Variants in GANAB observed in about 807,000 individuals in gnomAD.
GANAB encodes the protein neutral alpha-glucosidase AB.
A neutral mutation model predicts 129.9 loss-of-function variants in GANAB; 35 were observed. The ratio of observed to expected loss-of-function variants is 0.27; its 90% confidence interval spans 0.21 to 0.36. The LOEUF (loss-of-function observed/expected upper bound fraction) is 0.36. Among genes scored for constraint, GANAB ranks in the 10% least tolerant of loss-of-function variants. The pLI is 1.00. For synonymous variants in GANAB, 482 were observed against 451.8 expected (o/e 1.07, Z -0.85); for missense variants, 939 against 1,221.0 (o/e 0.77, Z 3.44).
In GANAB at chr11:62,634,117, T is replaced by C. The variant is rs1943823430; in HGVS notation, c.561-603A>G. Among the ~76,000 whole-genome samples, 3 of 152,308 alleles carry C rather than the reference T, an allele frequency of 2.0e-5. 1 individual carries two copies. In the South Asian group the frequency reaches 6.2e-4, roughly 32 times the overall value. ...TCCCTACATTCCCGAAGGACCTGACTTTCAGTATCTCACCTTCCTTCTTCT... is the reference window on the plus strand; with the variant it reads ...TCCCTACATTCCCGAAGGACCTGACCTTCAGTATCTCACCTTCCTTCTTCT... On this transcript the variant is annotated intron_variant, in intron 5 of 23. Transcript: ENST00000356638.
intron 20 of GANAB, 40 bp downstream of exon 20, chr11:62,626,820 A>G: frequency 6.7e-7 from 1 of 1,489,462 alleles, no homozygotes; most frequent in Non-Finnish European, 9.3e-7. Flanking sequence ...CTGGAAATTT[A>G]CAGGGAGATG....
intron 4 of GANAB, 106 bp downstream of exon 4, chr11:62,638,877 A>C: frequency 1.5e-5 from 15 of 1,020,234 alleles, no homozygotes; most frequent in Non-Finnish European, 2.0e-5. Context: ...GTGCTATGCT[A>C]GTTAACTACT....
Position 62,630,916 on chromosome 11 carries a change from G to C in GANAB, c.1151-80C>G, listed in dbSNP as rs1384218589. ...AACTGAGGGAGGCTTGTGAACTAGA[G>C]GCAGGCTGAGGGGTATAAACCTAGA... On this transcript the variant is annotated intron_variant, in intron 10 of 23. Transcript: ENST00000356638. 8.1e-6 allele frequency: 12 copies of C among 1,479,004 alleles called. No individual in the cohort carries two copies. The Admixed American group carries it at 1.4e-4, about 17-fold the overall frequency. 91.6% of individuals were successfully genotyped at this position (1,479,004 alleles called of 1,614,324 possible). A position where few individuals can be genotyped will look rare whatever the true frequency, so the allele number is the denominator to read the frequency against.
intron 5 of GANAB, chr11:62,634,619 A>G (rs1943851371): frequency 3.3e-6 from 2 of 613,226 alleles, no homozygotes; most frequent in Non-Finnish European, 5.7e-6. Flanking sequence ...GCTCAGGGAC[A>G]AAAGTGACTG....
At chr11:62,632,186 C>G (rs1943721810) in intron 9 of GANAB, among the ~76,000 whole-genome samples, 1 of 151,922 alleles carries the variant, frequency 6.6e-6, no homozygotes, top group Non-Finnish European at 1.5e-5. Context: ...GTTGGCCAGG[C>G]TGGTCTCCAA....
At position 62,625,568 on chromosome 11, in the gene GANAB, G is replaced by C; in HGVS notation, c.*247C>G. 1 of 537,638 alleles carries C rather than the reference G, an allele frequency of 1.9e-6. No homozygotes were observed. Among genetic ancestry groups the C allele is most frequent in the Non-Finnish European group, 3.4e-6 (1 of 297,068 alleles). 33.3% of individuals were successfully genotyped at this position (537,638 alleles called of 1,614,324 possible). On this transcript the variant is annotated 3_prime_UTR_variant, in exon 24 of 24. Transcript: ENST00000356638. ...TTCGTAAGTGAATGTGCTCCAGTTA[G>C]AGCAACAGGATGTTGGGGGAATGAA... is the stretch of plus-strand genomic sequence containing the variant.
rs17855958 is a variant in GANAB at position 62,630,606 on chromosome 11, G to A, written c.1381C>T (p.Arg461Trp). 1.2e-6 allele frequency: 2 copies of A among 1,611,254 alleles called. No individual in the cohort carries two copies. The highest frequency in any genetic ancestry group is 1.7e-6 in the Non-Finnish European group (2 of 1,177,736). Residue 461 changes from arginine to tryptophan, a missense_variant, in exon 11 of 24, where the codon CGG (arginine) becomes TGG (tryptophan). Transcript: ENST00000356638. ...GCGTGACTGCAACCCCTTACCTTCC[G>A]CCTCTTAGAAGCCAAGCGCTCAAGC... is the stretch of plus-strand genomic sequence containing the variant. ...TMLERLASKR[R>W]KLVAIVDPHI...
intron 1 of GANAB, among the ~76,000 whole-genome samples, chr11:62,642,375 T>C (rs1944308395): frequency 6.6e-6 from 1 of 151,860 alleles, no homozygotes; most frequent in African/African-American, 2.4e-5. Flanking sequence ...TTTAACAATA[T>C]CAGTGACCTG....
intron 13 of GANAB, 77 bp downstream of exon 13, chr11:62,630,120 G>C: frequency 1.5e-6 from 2 of 1,346,984 alleles, no homozygotes; most frequent in Non-Finnish European, 2.1e-6. Context: ...AACCATAGAA[G>C]GGTTGGCAAG....
At position 62,627,099 on chromosome 11, in the gene GANAB, T is replaced by C. The variant is rs770691650; in HGVS notation, c.2271A>G (p.Val757=). The C allele has an allele frequency of 6.8e-6, 11 of 1,613,902 alleles. No homozygotes were observed. In the South Asian group the frequency reaches 8.8e-5, roughly 13 times the overall value. The part of the protein sequence containing the change: ...LLGDALLVHP[V]SDSGAHGVQV... ...GGACACCATGGGCTCCAGAGTCTGA[T>C]ACAGGGTGAACCAGCAACGCATCCC... is the stretch of plus-strand genomic sequence containing the variant. Residue 757 remains valine, a synonymous_variant, in exon 19 of 24, where the codon GTA becomes GTG. Transcript: ENST00000356638.
rs951179232 is a variant in GANAB at position 62,630,861 on chromosome 11, T to A, written c.1151-25A>T. 9 of 1,575,262 alleles carry A rather than the reference T, an allele frequency of 5.7e-6. No individual in the cohort carries two copies. The African/African-American group carries it at 8.2e-5, about 14-fold the overall frequency. ...CCTGCAGGTTCATGAGGGATGGGGGTCACAACGAGGATCAGGCCCAACACC... is the reference window on the plus strand; with the variant it reads ...CCTGCAGGTTCATGAGGGATGGGGGACACAACGAGGATCAGGCCCAACACC... On this transcript the variant is annotated intron_variant, in intron 10 of 23. Transcript: ENST00000356638.
intron 9 of GANAB, among the ~76,000 whole-genome samples, 161 bp from the exon 10 acceptor site, chr11:62,631,344 A>G (rs946661410): frequency 4.0e-5 from 6 of 151,850 alleles, no homozygotes; most frequent in African/African-American, 1.5e-4. Flanking sequence ...GCTTTCCTAG[A>G]CCACACTATC....
rs1047593176 is a variant in GANAB at position 62,633,578 on chromosome 11, G to C, written c.561-64C>G. On this transcript the variant is annotated intron_variant, in intron 5 of 23. Coordinates refer to ENST00000356638, the MANE Select transcript of GANAB (RefSeq NM_198334.3). ...GGCAGGGACGAGGGGCTAGTGGAAG[G>C]AGGGGTTGGGGAATAGAGAGCCAAG... 34 of 1,407,004 alleles carry C rather than the reference G, an allele frequency of 2.4e-5. No individual in the cohort carries two copies. The Admixed American group carries it at 5.7e-4, about 24-fold the overall frequency. 87.2% of individuals were successfully genotyped at this position (1,407,004 alleles called of 1,614,324 possible). A position where few individuals can be genotyped will look rare whatever the true frequency, so the allele number is the denominator to read the frequency against.
intron 22 of GANAB, 59 bp downstream of exon 22, chr11:62,626,276 G>T: frequency 1.5e-6 from 2 of 1,335,406 alleles, no homozygotes; most frequent in Non-Finnish European, 2.2e-6. Context: ...TGAACTGGGA[G>T]CCCCCACAAG....
At chr11:62,639,803 T>C in intron 1 of GANAB, 72 bp from the exon 2 acceptor site, 3 of 875,162 alleles carry the variant, frequency 3.4e-6, no homozygotes, top group Non-Finnish European at 5.8e-6. Context: ...AAGGAAAAGC[T>C]TCTTCCTGTC....
At chr11:62,632,948 A>C in intron 8 of GANAB, 57 bp downstream of exon 8, 1 of 1,108,776 alleles carries the variant, frequency 9.0e-7, no homozygotes, top group East Asian at 2.3e-5. Context: ...CCATCTCCCT[A>C]AAGGCCTGAC....
At chr11:62,635,056 G>T in intron 4 of GANAB, 56 bp from the exon 5 acceptor site, 1 of 1,291,848 alleles carries the variant, frequency 7.7e-7, no homozygotes, top group Non-Finnish European at 1.1e-6. Flanking sequence ...GAGGAGTAAT[G>T]ACACTTTAGA....
chr11:62,638,900 G>T, intron 4 of GANAB, 83 bp downstream of exon 4: 1 of 1,421,962 alleles, frequency 7.0e-7, no homozygotes, highest in Non-Finnish European at 9.9e-7. Context: ...CTTATTTTGG[G>T]AAAGAATATC....
At position 62,630,841 on chromosome 11, in the gene GANAB, A is replaced by C. The variant is rs1194473423; in HGVS notation, c.1151-5T>G. 6.2e-7 allele frequency: 1 copy of C among 1,605,644 alleles called. No individual in the cohort carries two copies. Among genetic ancestry groups the C allele is most frequent in the Non-Finnish European group, 8.5e-7 (1 of 1,173,340 alleles). On this transcript the variant is annotated splice_region_variant and splice_polypyrimidine_tract_variant and intron_variant, in intron 10 of 23. Transcript: ENST00000356638. ...GTGGGGGCAACGCCTGGGTTCCTGC[A>C]GGTTCATGAGGGATGGGGGTCACAA...
Sources: allele counts gnomAD v4.1 joint callset (sites outside exome capture counted in the v4.1 genomes callset), GRCh38; gene constraint gnomAD v4.1.1; transcripts MANE v1.5; gene names NCBI Gene and HGNC (gene_info 2026-07-23, HGNC 2026-07-21).